The following ATAD5 variants were observed in gnomAD, a reference collection of about 807,000 sequenced individuals.
ATAD5 encodes the protein ATPase family AAA domain containing 5.
In ATAD5, 58 loss-of-function variants were observed where a neutral mutation model predicts 176.9. The ratio of observed to expected loss-of-function variants is 0.33; its 90% CI spans 0.27 to 0.41. The LOEUF (loss-of-function observed/expected upper bound fraction) is 0.41, where lower values mean the gene tolerates loss of function less well. Among genes scored for constraint, ATAD5 ranks in the 10% least tolerant of loss-of-function variants. The probability of loss-of-function intolerance (pLI) is 1.00; values close to 1 mark genes in which losing one functional copy is unlikely to be tolerated. For synonymous variants in ATAD5, 640 were observed against 712.6 expected, an observed-to-expected ratio of 0.90 and a Z score of 1.62; for missense variants, 1,789 against 2,094.1, an observed-to-expected ratio of 0.85 and a Z score of 2.84.
chr17:30,860,711 T>A (rs1305597112), intron 10 of ATAD5, 99 bp downstream of exon 10: 3 of 985,390 alleles, frequency 3.0e-6, no homozygotes, highest in Non-Finnish European at 4.2e-6. Context: ...TTTTAAAAAA[T>A]TTTAATTCAA....
At chr17:30,876,206 T>C (rs963758903) in intron 14 of ATAD5, among the ~76,000 whole-genome samples, 168 bp from the exon 15 acceptor site, 1 of 152,088 alleles carries the variant, frequency 6.6e-6, no homozygotes, top group African/African-American at 2.4e-5. Context: ...GTAGAATAAA[T>C]AAATATAGTA....
At chr17:30,885,143 A>AT (rs1345388063) in intron 18 of ATAD5, among the ~76,000 whole-genome samples, 1 of 151,960 alleles carries the variant, frequency 6.6e-6, no homozygotes, top group East Asian at 1.9e-4. Flanking sequence ...TATAGTAGTT[A>AT]TTTTGTTGGT....
Position 30,893,703 on chromosome 17 carries a change from G to A in ATAD5, c.4850G>A (p.Gly1617Glu). 1 of 1,613,482 alleles carries A rather than the reference G, an allele frequency of 6.2e-7. No individual in the cohort carries two copies. The highest frequency in any genetic ancestry group is 8.5e-7 in the Non-Finnish European group (1 of 1,179,768). Residue 1617 changes from glycine (G) to glutamate (E), a missense_variant, in exon 21 of 23, where the codon GGA becomes GAA. This residue lies in a region of ATAD5 where 403 missense variants were observed against 495.1 expected (regional missense o/e 0.81). Transcript: ENST00000321990. Reference sequence around the variant, plus strand: ...GAAGAAAGCAAAGCCAGAGACAAAGGAAACAATCCAGAGACAAAGAAATCT... The same window carrying A: ...GAAGAAAGCAAAGCCAGAGACAAAGAAAACAATCCAGAGACAAAGAAATCT... ...GDEESKARDKGNNPETKKSIP... is the reference protein window; with the variant it reads ...GDEESKARDKENNPETKKSIP...
intron 12 of ATAD5, among the ~76,000 whole-genome samples, chr17:30,868,849 C>CTTT (rs568729653): frequency 7.6e-6 from 1 of 131,680 alleles, no homozygotes; most frequent in African/African-American, 2.9e-5. Flanking sequence ...TGATTTTCTA[C>CTTT]TTTTTTTTTT....
chr17:30,884,405 A>G (rs1909192691), intron 18 of ATAD5, among the ~76,000 whole-genome samples: 1 of 139,936 alleles, frequency 7.1e-6, no homozygotes, highest in South Asian at 2.3e-4. Context: ...TTTTACTTGC[A>G]TTATATTTCT....
At chr17:30,874,124 C>T (rs943265718) in intron 14 of ATAD5, among the ~76,000 whole-genome samples, 9 of 151,876 alleles carry the variant, frequency 5.9e-5, no homozygotes, top group Middle Eastern at 3.4e-3. Flanking sequence ...GAGATTGTGC[C>T]ACTGCACTCC....
chr17:30,879,711 T>A (rs562028720), intron 18 of ATAD5, among the ~76,000 whole-genome samples: 13 of 151,844 alleles, frequency 8.6e-5, no homozygotes, highest in African/African-American at 2.9e-4. Context: ...TACAGGCGCC[T>A]GCCACCACGC....
chr17:30,865,173 A>ATTT (rs1361518168), intron 10 of ATAD5, among the ~76,000 whole-genome samples: 3 of 133,998 alleles, frequency 2.2e-5, no homozygotes, highest in South Asian at 2.3e-4. Context: ...GTGCACTTTA[A>ATTT]TTTTTTTTTT....
intron 12 of ATAD5, among the ~76,000 whole-genome samples, 195 bp from the exon 13 acceptor site, chr17:30,869,053 C>T (rs1908181280): frequency 6.6e-6 from 1 of 151,882 alleles, no homozygotes. Context: ...GTCTCGAACT[C>T]CTGACCTTGT....
At position 30,858,211 on chromosome 17, in the gene ATAD5, T is replaced by C; in HGVS notation, c.2844T>C (p.Leu948=). The change falls in exon 9 of 23, where the codon CTT becomes CTC. Residue 948 remains leucine (L), a synonymous_variant. Transcript: ENST00000321990. ...EFTEEVRNLL[L]EEIRWSNPEF... ...CTGAAGAAGTAAGAAATCTTTTGCT[T>C]GAGGAAATTAGGTGGTCAAATCCTG... 2 of 1,592,700 alleles carry C rather than the reference T, an allele frequency of 1.3e-6. No individual in the cohort carries two copies. Among genetic ancestry groups the C allele is most frequent in the Admixed American group, 3.5e-5 (2 of 56,478 alleles).
At chr17:30,840,117 G>A (rs1223568294) in intron 3 of ATAD5, among the ~76,000 whole-genome samples, 1 of 147,126 alleles carries the variant, frequency 6.8e-6, no homozygotes, top group Non-Finnish European at 1.5e-5. Context: ...AGAATCACTT[G>A]AACTCGGGAG....
At chr17:30,870,328 T>C (rs1227945950) in intron 14 of ATAD5, among the ~76,000 whole-genome samples, 1 of 152,204 alleles carries the variant, frequency 6.6e-6, no homozygotes, top group Non-Finnish European at 1.5e-5. Context: ...TCTGAGTCAT[T>C]TGTCATGAAA....
intron 17 of ATAD5, 58 bp downstream of exon 17, chr17:30,878,154 C>A: frequency 1.8e-6 from 2 of 1,109,044 alleles, no homozygotes; most frequent in Non-Finnish European, 2.7e-6. Context: ...AGTTCATCTG[C>A]AGACTGGAGT....
chr17:30,832,881 A>G (rs1232482892), intron 1 of ATAD5, among the ~76,000 whole-genome samples: 1 of 152,224 alleles, frequency 6.6e-6, no homozygotes, highest in Admixed American at 6.5e-5. Flanking sequence ...CTTAAAGAAA[A>G]CAGTTTCTCA....
At chr17:30,881,739 C>T (rs1909022996) in intron 18 of ATAD5, among the ~76,000 whole-genome samples, 1 of 150,880 alleles carries the variant, frequency 6.6e-6, no homozygotes. Flanking sequence ...GTGGTGAAAC[C>T]CTGTCTCTAC....
intron 1 of ATAD5, 136 bp from the exon 2 acceptor site, chr17:30,834,012 A>C (rs1026325008): frequency 2.7e-6 from 2 of 735,160 alleles, no homozygotes; most frequent in East Asian, 6.5e-5. Flanking sequence ...TTTTCTTTCT[A>C]ATATATCACG....
intron 18 of ATAD5, among the ~76,000 whole-genome samples, chr17:30,884,651 A>C (rs1452115722): frequency 6.9e-6 from 1 of 145,776 alleles, no homozygotes; most frequent in East Asian, 2.0e-4. Context: ...CTTGTCTCGA[A>C]CTCCTGACCT....
At chr17:30,877,612 GTA>G in intron 16 of ATAD5, 63 bp downstream of exon 16, 1 of 1,468,742 alleles carries the variant, frequency 6.8e-7, no homozygotes, top group Non-Finnish European at 9.3e-7. Flanking sequence ...AAAGAATACT[GTA>G]TGTTTTCTTA....
At chr17:30,839,526 CG>C (rs1905959461) in intron 3 of ATAD5, among the ~76,000 whole-genome samples, 1 of 150,464 alleles carries the variant, frequency 6.6e-6, no homozygotes. Flanking sequence ...CTGCCCACCT[CG>C]GCCTCCCAAA....
Sources: gnomAD v4.1 joint callset for allele counts (sites outside exome capture counted in the v4.1 genomes callset) on GRCh38, gnomAD v4.1.1 for gene constraint, gnomAD v4.1.1 regional missense constraint, MANE v1.5 for transcripts, NCBI Gene and HGNC (gene_info 2026-07-23, HGNC 2026-07-21) for gene names.